ERC2: variants seen among roughly 807,000 people sequenced by gnomAD.
The protein encoded by ERC2 is ERC protein 2.
A neutral mutation model predicts 114.8 loss-of-function variants in ERC2; 42 were observed. The observed-to-expected ratio is 0.37, with a 90% CI of 0.29 to 0.47. The LOEUF is 0.47. ERC2 is among the 20% of genes least tolerant of loss of function. The pLI is 0.99. For missense variants in ERC2, 939 were observed against 1,150.7 expected (o/e 0.82, Z 2.66); for synonymous variants, 454 against 425.5 (o/e 1.07, Z -0.82).
chr3:55,718,063 G>C (rs1054405201), intron 15 of ERC2, among the ~76,000 whole-genome samples: 7 of 152,144 alleles, frequency 4.6e-5, no homozygotes, highest in Non-Finnish European at 8.8e-5. Context: ...TAAGAAGACA[G>C]GATCAGGCTT....
intron 17 of ERC2, among the ~76,000 whole-genome samples, chr3:55,589,849 G>C (rs2057786668): frequency 6.6e-6 from 1 of 152,174 alleles, no homozygotes; most frequent in Admixed American, 6.5e-5. Context: ...TGACCTCCCA[G>C]GGCTGCACTG....
rs533149049 is a variant in ERC2 at position 56,429,163 on chromosome 3, G to A, written c.657+5188C>T. On this transcript the variant is annotated intron_variant, in intron 2 of 17. Transcript: ENST00000288221. Reference sequence around the variant, plus strand: ...CCTATGTTTCCTCTCTTTGATCTCCGTAACACAATAGAATAAAGATATAAA... The same window carrying A: ...CCTATGTTTCCTCTCTTTGATCTCCATAACACAATAGAATAAAGATATAAA... 2.2e-4 allele frequency among the ~76,000 whole-genome samples: 34 copies of A among 152,148 alleles called. No individual in the cohort carries two copies. The East Asian group carries it at 2.3e-3, about 10-fold the overall frequency.
At chr3:55,596,153 A>G (rs1416722791) in intron 17 of ERC2, among the ~76,000 whole-genome samples, 4 of 152,246 alleles carry the variant, frequency 2.6e-5, no homozygotes, top group Non-Finnish European at 5.9e-5. Flanking sequence ...GTCAATTCAA[A>G]TAGGACATTA....
chr3:56,321,516 C>A (rs2057125691), intron 2 of ERC2, among the ~76,000 whole-genome samples: 1 of 152,172 alleles, frequency 6.6e-6, no homozygotes, highest in African/African-American at 2.4e-5. Flanking sequence ...AGTTCAGGAG[C>A]TCCTCCAAGG....
chr3:55,911,420 C>T (rs1261831774), intron 13 of ERC2, among the ~76,000 whole-genome samples: 2 of 151,976 alleles, frequency 1.3e-5, no homozygotes, highest in Admixed American at 1.3e-4. Context: ...AGAGCATTGA[C>T]TTCATCGTAA....
At chr3:55,694,244 G>A (rs1005436049) in intron 16 of ERC2, among the ~76,000 whole-genome samples, 2 of 152,094 alleles carry the variant, frequency 1.3e-5, no homozygotes, top group Non-Finnish European at 2.9e-5. Context: ...TTGTGACTCT[G>A]GATCATTAAC....
intron 15 of ERC2, among the ~76,000 whole-genome samples, chr3:55,732,348 A>T (rs1231510485): frequency 6.6e-6 from 1 of 152,164 alleles, no homozygotes; most frequent in Non-Finnish European, 1.5e-5. Context: ...GGGGTGAGGA[A>T]GGATATCAGA....
At chr3:56,078,756 G>C (rs1481232617) in intron 7 of ERC2, among the ~76,000 whole-genome samples, 1 of 151,756 alleles carries the variant, frequency 6.6e-6, no homozygotes, top group Non-Finnish European at 1.5e-5. Context: ...TAAGCATTTA[G>C]TATCTTTTGG....
intron 13 of ERC2, among the ~76,000 whole-genome samples, chr3:55,900,543 C>T (rs2064077373): frequency 6.6e-6 from 1 of 152,160 alleles, no homozygotes; most frequent in Non-Finnish European, 1.5e-5. Context: ...AGTTCCCCTA[C>T]TGACTTGGCT....
At chr3:55,737,915 A>G (rs1559575122) in intron 14 of ERC2, among the ~76,000 whole-genome samples, 1 of 152,192 alleles carries the variant, frequency 6.6e-6, no homozygotes. Flanking sequence ...TTCCAGAGCA[A>G]AAGGCAGGCA....
At chr3:55,588,503 A>G (rs2057709165) in intron 17 of ERC2, among the ~76,000 whole-genome samples, 1 of 152,246 alleles carries the variant, frequency 6.6e-6, no homozygotes, top group South Asian at 2.1e-4. Flanking sequence ...GTGAAAGCAG[A>G]GAGTGAGAGG....
intron 17 of ERC2, among the ~76,000 whole-genome samples, chr3:55,678,959 C>T (rs1382245921): frequency 6.6e-6 from 1 of 152,180 alleles, no homozygotes; most frequent in African/African-American, 2.4e-5. Context: ...GGGTCAGTGC[C>T]ATCAATTCTC....
chr3:55,630,955 GAA>G (rs11316333), intron 17 of ERC2, among the ~76,000 whole-genome samples: 2 of 147,050 alleles, frequency 1.4e-5, no homozygotes, highest in African/African-American at 5.0e-5. Flanking sequence ...GATCAGTTTG[GAA>G]AAAAAAAAAT....
intron 4 of ERC2, among the ~76,000 whole-genome samples, chr3:56,158,317 T>C (rs1462554180): frequency 6.6e-6 from 1 of 152,064 alleles, no homozygotes; most frequent in Non-Finnish European, 1.5e-5. Flanking sequence ...GACTTGCTAT[T>C]TTTTCTCCAC....
At position 56,130,411 on chromosome 3, in the gene ERC2, G is replaced by C. The variant is rs147912559; in HGVS notation, c.1473+9098C>G. On this transcript the variant is annotated intron_variant, in intron 6 of 17. Coordinates refer to ENST00000288221, the MANE Select transcript of ERC2 (RefSeq NM_015576.3). ...ATTTTCCTAATCCATTTAGTGTGCT[G>C]ACAGAGCCATGTTCACAATTTATAG... Among the ~76,000 whole-genome samples the C allele has an allele frequency of 2.3e-4, 35 of 152,266 alleles. 1 individual carries two copies. In the East Asian group the frequency reaches 6.4e-3, roughly 28 times the overall value.
Position 56,165,695 on chromosome 3 carries a change from C to T in ERC2, c.1149+7751G>A, listed in dbSNP as rs1376978. Among the ~76,000 whole-genome samples, 3,277 of 151,628 alleles carry T rather than the reference C, an allele frequency of 0.022. 298 individuals are homozygous for T. The East Asian group carries it at 0.28, about 13-fold the overall frequency. On this transcript the variant is annotated intron_variant, in intron 4 of 17. Coordinates refer to ENST00000288221, the MANE Select transcript of ERC2 (RefSeq NM_015576.3). ...CTTATATATTTGGGGTTTTTTAATA[C>T]CAGTGTAAGTGATATTGTTTTCTCA...
chr3:55,661,597 ACT>A (rs1244062214), intron 17 of ERC2, among the ~76,000 whole-genome samples: 8 of 151,964 alleles, frequency 5.3e-5, no homozygotes, highest in African/African-American at 7.3e-5. Flanking sequence ...AATCCAGGAT[ACT>A]CTCTCTATTT....
intron 17 of ERC2, among the ~76,000 whole-genome samples, chr3:55,652,012 T>A (rs114340256): frequency 0.01 from 1,545 of 152,320 alleles, 26 homozygotes; most frequent in African/African-American, 0.035. Flanking sequence ...TTCTTCCCAA[T>A]CCCTATCAAG....
rs138037569 is a variant in ERC2, at chr3:56,439,396, T to A, written c.-140-4249A>T. ...AGGAGTTCGAGGCTACAGTGAGCTA[T>A]AACTGCACCACTGCACTCCAGCCTG... On this transcript the variant is annotated intron_variant, in intron 1 of 17. Coordinates refer to ENST00000288221, the MANE Select transcript of ERC2 (RefSeq NM_015576.3). Among the ~76,000 whole-genome samples, 3 of 152,286 alleles carry A rather than the reference T, an allele frequency of 2.0e-5. No individual in the cohort carries two copies. The East Asian group carries it at 5.8e-4, about 29-fold the overall frequency.
Sources: allele counts gnomAD v4.1 joint callset (sites outside exome capture counted in the v4.1 genomes callset), GRCh38; gene constraint gnomAD v4.1.1; transcripts MANE v1.5; gene names NCBI Gene and HGNC (gene_info 2026-07-23, HGNC 2026-07-21).